The following RPS6KC1 variants were observed in gnomAD, a reference collection of about 807,000 sequenced individuals.
The protein encoded by RPS6KC1 is inactive ribosomal protein S6 kinase delta-1.
RPS6KC1 carries 54 observed loss-of-function variants against 103.8 expected under a neutral mutation model. The ratio of observed to expected loss-of-function variants is 0.52; its 90% CI spans 0.42 to 0.65. RPS6KC1 has a LOEUF of 0.65. RPS6KC1 is among the 30% of genes least tolerant of loss of function. The pLI is 0.00. For missense variants in RPS6KC1, 1,151 were observed against 1,253.8 expected (o/e 0.92, Z 1.24); for synonymous variants, 439 against 438.7 (o/e 1.00, Z -0.01).
At chr1:213,738,782 G>A in the RPS6KC1 span, among the ~76,000 whole-genome samples, 10 of 151,316 alleles carry the variant, frequency 6.6e-5, no homozygotes, top group African/African-American at 2.4e-4. Context: ...ATCACTTGAG[G>A]TCAAGAGTTT....
At chr1:213,552,916 G>A in the RPS6KC1 span, among the ~76,000 whole-genome samples, 1 of 151,922 alleles carries the variant, frequency 6.6e-6, no homozygotes, top group African/African-American at 2.4e-5. Flanking sequence ...ATCCACTGAG[G>A]TTTGGGCCAC....
At chr1:213,154,409 A>G (rs2089627794) in intron 6 of RPS6KC1, among the ~76,000 whole-genome samples, 1 of 152,190 alleles carries the variant, frequency 6.6e-6, no homozygotes, top group Admixed American at 6.5e-5. Flanking sequence ...TAGAATCAAA[A>G]ACCTTAGAAG....
chr1:213,577,387 A>C, the RPS6KC1 span, among the ~76,000 whole-genome samples: 1 of 152,210 alleles, frequency 6.6e-6, no homozygotes, highest in Non-Finnish European at 1.5e-5. Flanking sequence ...GCAGTATGAA[A>C]GAGGACTAAT....
At chr1:213,501,532 GA>G in the RPS6KC1 span, among the ~76,000 whole-genome samples, 1 of 151,914 alleles carries the variant, frequency 6.6e-6, no homozygotes, top group African/African-American at 2.4e-5. Context: ...GTCTTATAAA[GA>G]AAAAATGCCA....
chr1:213,434,789 T>C, the RPS6KC1 span, among the ~76,000 whole-genome samples: 1 of 152,036 alleles, frequency 6.6e-6, no homozygotes, highest in African/African-American at 2.4e-5. Context: ...ACTGTTTTTT[T>C]TTCTTCTGAT....
chr1:213,062,031 G>T (rs1002679877), intron 1 of RPS6KC1, among the ~76,000 whole-genome samples: 1 of 152,070 alleles, frequency 6.6e-6, no homozygotes, highest in Non-Finnish European at 1.5e-5. Flanking sequence ...ATCAATACTA[G>T]TTTCTAAAGG....
At chr1:213,744,304 TA>T in the RPS6KC1 span, among the ~76,000 whole-genome samples, 126 of 151,498 alleles carry the variant, frequency 8.3e-4, no homozygotes, top group Non-Finnish European at 1.3e-3. Flanking sequence ...AATAATGATA[TA>T]AAAAAAATAA....
intron 9 of RPS6KC1, among the ~76,000 whole-genome samples, chr1:213,230,945 T>TTAGTTAATATTAACTAAGTAGTTAATATA (rs2094089158): frequency 2.6e-5 from 4 of 151,756 alleles, no homozygotes; most frequent in Admixed American, 6.6e-5. Context: ...TAGTTAATAT[T>TTAGTTAATATTAACTAAGTAGTTAATATA]TAGTTAATAT....
At chr1:213,363,718 CTTTCTTTCGTTCTTTCT>C in the RPS6KC1 span, among the ~76,000 whole-genome samples, 1 of 117,642 alleles carries the variant, frequency 8.5e-6, no homozygotes, top group Non-Finnish European at 1.7e-5. Context: ...TTCTTTCTTT[CTTTCTTTCGTTCTTTCT>C]TTCTCTCTTC....
At chr1:213,588,822 G>T in the RPS6KC1 span, among the ~76,000 whole-genome samples, 1 of 152,134 alleles carries the variant, frequency 6.6e-6, no homozygotes, top group Admixed American at 6.5e-5. Context: ...TTGGGGTAGG[G>T]GTCAGCATGG....
chr1:213,607,022 C>T, the RPS6KC1 span, among the ~76,000 whole-genome samples: 4 of 152,168 alleles, frequency 2.6e-5, no homozygotes, highest in South Asian at 2.1e-4. Flanking sequence ...GCTTAGTTTT[C>T]GCCCATGCTG....
the RPS6KC1 span, among the ~76,000 whole-genome samples, chr1:213,317,002 G>T: frequency 6.6e-6 from 1 of 152,140 alleles, no homozygotes; most frequent in Non-Finnish European, 1.5e-5. Context: ...GGGTCTTATA[G>T]GAGCCGTAAT....
At chr1:213,142,699 G>A (rs1489871197) in intron 6 of RPS6KC1, among the ~76,000 whole-genome samples, 1 of 152,064 alleles carries the variant, frequency 6.6e-6, no homozygotes, top group East Asian at 1.9e-4. Flanking sequence ...TCAGTCGGCA[G>A]CCAGCAACAT....
intron 6 of RPS6KC1, among the ~76,000 whole-genome samples, chr1:213,153,555 T>C (rs981196022): frequency 5.9e-5 from 9 of 152,234 alleles, no homozygotes; most frequent in South Asian, 4.1e-4. Context: ...TGAAAAGTTA[T>C]TATTTTTCAT....
chr1:213,212,540 C>A (rs2093539286), intron 8 of RPS6KC1, among the ~76,000 whole-genome samples: 1 of 152,168 alleles, frequency 6.6e-6, no homozygotes, highest in Non-Finnish European at 1.5e-5. Context: ...TTTCTATAAA[C>A]ATCCATGTGC....
chr1:213,271,526 G>A (rs1308289959), intron 14 of RPS6KC1, among the ~76,000 whole-genome samples: 1 of 152,166 alleles, frequency 6.6e-6, no homozygotes, highest in African/African-American at 2.4e-5. Context: ...AGCACTTTGG[G>A]AGGCCGAGAC....
At chr1:213,363,604 CGCTT>C in the RPS6KC1 span, among the ~76,000 whole-genome samples, 3,227 of 84,624 alleles carry the variant, frequency 0.038, 172 homozygotes, top group Admixed American at 0.045. Flanking sequence ...CTTGCTCGCT[CGCTT>C]GCTTGCTTGC....
chr1:213,402,900 G>A, the RPS6KC1 span, among the ~76,000 whole-genome samples: 36 of 146,862 alleles, frequency 2.5e-4, no homozygotes, highest in Admixed American at 1.1e-3. Flanking sequence ...AGATCACAAG[G>A]TCAGGAGACA....
the RPS6KC1 span, among the ~76,000 whole-genome samples, chr1:213,607,964 G>A: frequency 6.6e-6 from 1 of 152,170 alleles, no homozygotes; most frequent in Non-Finnish European, 1.5e-5. Flanking sequence ...TTTGCTGACA[G>A]GAGAACGCTG....
Sources: gnomAD v4.1 joint callset for allele counts (sites outside exome capture counted in the v4.1 genomes callset) on GRCh38, gnomAD v4.1.1 for gene constraint, MANE v1.5 for transcripts, NCBI Gene and HGNC (gene_info 2026-07-23, HGNC 2026-07-21) for gene names.